SHROOM2: variants seen among roughly 807,000 people sequenced by gnomAD.
SHROOM2 encodes the protein shroom family member 2.
In SHROOM2, 33 loss-of-function variants were observed where a neutral mutation model predicts 75.9. The observed-to-expected ratio is 0.43, with a 90% CI of 0.33 to 0.58. The LOEUF (loss-of-function observed/expected upper bound fraction) is 0.58, where lower values mean the gene tolerates loss of function less well. Ranked by LOEUF, SHROOM2 falls within the 20% of genes least tolerant of loss-of-function variation. SHROOM2 has a pLI of 0.04. For missense variants in SHROOM2, 1,434 were observed against 1,461.2 expected (o/e 0.98, Z 0.30); for synonymous variants, 655 against 663.6 (o/e 0.99, Z 0.20).
chrX:9,887,255 G>C (rs1327379855), intron 2 of SHROOM2, among the ~76,000 whole-genome samples: 1 of 112,643 alleles, frequency 8.9e-6, no homozygotes, highest in Non-Finnish European at 1.9e-5. Context: ...TTGGATTTAA[G>C]GAATCGGTGC....
intron 1 of SHROOM2, among the ~76,000 whole-genome samples, chrX:9,813,570 C>A (rs2083803176): frequency 9.0e-6 from 1 of 111,635 alleles, no homozygotes; most frequent in African/African-American, 3.3e-5. Flanking sequence ...GTAGTGGGGT[C>A]CTTCCTCAAG....
rs2084851550 is a variant in SHROOM2, at chrX:9,949,333, CA to C, written c.*2397del. On this transcript the variant is annotated 3_prime_UTR_variant, in exon 10 of 10. Transcript: ENST00000380913. Reference sequence around the variant, plus strand: ...GGGGTGGCCTGTGGCTTGTATCCTTCAGTCCACCACAGCAAATGTGTGTAGA... The same window carrying C: ...GGGGTGGCCTGTGGCTTGTATCCTTCGTCCACCACAGCAAATGTGTGTAGA... 3.0e-6 allele frequency: 1 copy of C among 330,809 alleles called. No homozygotes were observed. The highest frequency in any genetic ancestry group is 5.9e-6 in the Non-Finnish European group (1 of 170,031). 27.3% of individuals were successfully genotyped at this position (330,809 alleles called of 1,213,427 possible).
chrX:9,880,866 T>C (rs1332191383), intron 2 of SHROOM2, among the ~76,000 whole-genome samples: 1 of 112,004 alleles, frequency 8.9e-6, no homozygotes, highest in African/African-American at 3.2e-5. Context: ...AACTGCAAGA[T>C]GCGTTCCTAC....
At chrX:9,848,021 A>T (rs1790723644) in intron 1 of SHROOM2, among the ~76,000 whole-genome samples, 1 of 111,997 alleles carries the variant, frequency 8.9e-6, no homozygotes, top group Non-Finnish European at 1.9e-5. Context: ...TGAAAAGCTT[A>T]TATTCTCAGC....
chrX:9,918,767 C>T (rs2084513848), intron 5 of SHROOM2, among the ~76,000 whole-genome samples: 1 of 111,964 alleles, frequency 8.9e-6, no homozygotes, highest in Non-Finnish European at 1.9e-5. Flanking sequence ...TGGGATTACA[C>T]GCTTCAGCCA....
At chrX:9,873,554 C>T (rs2084182219) in intron 1 of SHROOM2, 98 bp from the exon 2 acceptor site, 6 of 1,021,612 alleles carry the variant, frequency 5.9e-6, no homozygotes, top group South Asian at 4.2e-5. Context: ...GGCCCATTCC[C>T]GCCAAGTGTG....
chrX:9,839,016 C>A (rs547655068), intron 1 of SHROOM2, among the ~76,000 whole-genome samples: 1 of 110,783 alleles, frequency 9.0e-6, no homozygotes, highest in Admixed American at 9.6e-5. Flanking sequence ...CCCTGTCGCA[C>A]GTGGAAGGAA....
intron 1 of SHROOM2, among the ~76,000 whole-genome samples, chrX:9,871,379 G>C (rs2084170184): frequency 9.0e-6 from 1 of 111,635 alleles, no homozygotes; most frequent in South Asian, 3.8e-4. Flanking sequence ...CCTTTCCTCT[G>C]TGAAGAAACC....
In SHROOM2 at chrX:9,817,859, G is replaced by A. The variant is rs1384178974; in HGVS notation, c.165+31149G>A. On this transcript the variant is annotated intron_variant, in intron 1 of 9. Coordinates refer to ENST00000380913, the MANE Select transcript of SHROOM2 (RefSeq NM_001649.4). ...AGCAGCCTCCAAGAATGCTCATCAGGTGAAACGATGATGTAACATTTGAAA... is the reference window on the plus strand; with the variant it reads ...AGCAGCCTCCAAGAATGCTCATCAGATGAAACGATGATGTAACATTTGAAA... Among the ~76,000 whole-genome samples, 9 of 112,187 alleles carry A rather than the reference G, an allele frequency of 8.0e-5. 1 individual carries two copies. The highest frequency in any genetic ancestry group is 1.9e-5 in the Non-Finnish European group (1 of 53,299).
In SHROOM2 at chrX:9,885,909, C is replaced by T. The variant is rs180861094; in HGVS notation, c.318-5068C>T. On this transcript the variant is annotated intron_variant, in intron 2 of 9. Transcript: ENST00000380913. ...TCGAGGCTGCAGTGAGCCATGATTG[C>T]GTCACTGTACTCCAGCCTGGGTGGC... Among the ~76,000 whole-genome samples, 330 of 98,847 alleles carry T rather than the reference C, an allele frequency of 3.3e-3. 1 individual carries two copies. Among genetic ancestry groups the T allele is most frequent in the Non-Finnish European group, 5.5e-3 (277 of 50,221 alleles). The allele number at this position is 98,847 out of a possible 115,157, so 85.8% of individuals were successfully genotyped here. A position where few individuals can be genotyped will look rare whatever the true frequency, so the allele number is the denominator to read the frequency against.
In SHROOM2 at chrX:9,917,158, T is replaced by G. The variant is rs188702518; in HGVS notation, c.2892-15017T>G. ...CCAGCTTTCCGACAACCCTAACTCA[T>G]CGTAGTTCCCATCTTTTGCTCTGGT... On this transcript the variant is annotated intron_variant, in intron 5 of 9. Coordinates refer to ENST00000380913, the MANE Select transcript of SHROOM2 (RefSeq NM_001649.4). 3.6e-5 allele frequency among the ~76,000 whole-genome samples: 4 copies of G among 111,831 alleles called. No individual in the cohort carries two copies. In the East Asian group the frequency reaches 1.1e-3, roughly 31 times the overall value.
intron 1 of SHROOM2, among the ~76,000 whole-genome samples, chrX:9,803,600 G>A (rs1243055018): frequency 4.5e-5 from 5 of 111,514 alleles, no homozygotes; most frequent in Admixed American, 9.5e-5. Context: ...AGAACTGACT[G>A]CCACACACTA....
intron 1 of SHROOM2, among the ~76,000 whole-genome samples, chrX:9,792,136 GAATAGAATAGAATAGAATAGAATAA>G (rs2083665344): frequency 4.1e-5 from 1 of 24,640 alleles, no homozygotes; most frequent in African/African-American, 1.0e-4. Context: ...GAATAGAATA[GAATAGAATAGAATAGAATAGAATAA>G]TCACCAGTAT....
chrX:9,943,953 G>A (rs1217751599), intron 8 of SHROOM2, among the ~76,000 whole-genome samples: 2 of 110,442 alleles, frequency 1.8e-5, no homozygotes, highest in African/African-American at 6.6e-5. Context: ...AGGCCAAGGC[G>A]GGTGGATCAC....
At chrX:9,852,627 G>T (rs766846189) in intron 1 of SHROOM2, among the ~76,000 whole-genome samples, 2 of 112,671 alleles carry the variant, frequency 1.8e-5, no homozygotes, top group South Asian at 3.7e-4. Flanking sequence ...CCCTCACATC[G>T]CCCACTTTCC....
In SHROOM2 at chrX:9,881,016, G is replaced by A. The variant is rs1006158869; in HGVS notation, c.317+7213G>A. 2.7e-5 allele frequency among the ~76,000 whole-genome samples: 3 copies of A among 111,833 alleles called. No individual in the cohort carries two copies. The Admixed American group carries it at 2.8e-4, about 11-fold the overall frequency. On this transcript the variant is annotated intron_variant, in intron 2 of 9. Transcript: ENST00000380913. ...CCAAAGGCCTTTGGAATGGAATGGA[G>A]TGGCATGTTTAAGGAGAGTGCTCAG...
chrX:9,807,580 A>G (rs2083761447), intron 1 of SHROOM2, among the ~76,000 whole-genome samples: 1 of 112,451 alleles, frequency 8.9e-6, no homozygotes, highest in African/African-American at 3.2e-5. Context: ...TGCCACGGAA[A>G]TAAAACCCGA....
At chrX:9,819,897 G>A (rs370205119) in intron 1 of SHROOM2, among the ~76,000 whole-genome samples, 21 of 107,413 alleles carry the variant, frequency 2.0e-4, no homozygotes, top group African/African-American at 7.2e-4. Flanking sequence ...GGGTTCAAGC[G>A]ATTCTCCTGC....
intron 2 of SHROOM2, among the ~76,000 whole-genome samples, chrX:9,879,931 T>C (rs1048869957): frequency 6.2e-5 from 7 of 112,357 alleles, no homozygotes; most frequent in African/African-American, 2.3e-4. Context: ...ATGTAGACTT[T>C]TATTTTTTAA....
Sources: allele counts gnomAD v4.1 joint callset (sites outside exome capture counted in the v4.1 genomes callset), GRCh38; gene constraint gnomAD v4.1.1; transcripts MANE v1.5; gene names NCBI Gene and HGNC (gene_info 2026-07-23, HGNC 2026-07-21).